EXOC6B: variants seen among roughly 807,000 people sequenced by gnomAD.
The protein encoded by EXOC6B is exocyst complex component 6B.
EXOC6B carries 54 observed loss-of-function variants against 113.5 expected under a neutral mutation model. That is an observed-to-expected ratio of 0.48 (90% CI 0.38 to 0.60). The LOEUF is 0.60. Among genes scored for constraint, EXOC6B ranks in the 20% least tolerant of loss-of-function variants. The probability of loss-of-function intolerance (pLI) is 0.00; values close to 1 mark genes in which losing one functional copy is unlikely to be tolerated. For missense variants in EXOC6B, 797 were observed against 977.5 expected, an observed-to-expected ratio of 0.82 and a Z score of 2.46; for synonymous variants, 357 against 339.0, an observed-to-expected ratio of 1.05 and a Z score of -0.58.
chr2:72,254,521 G>C (rs1683232388), intron 20 of EXOC6B, among the ~76,000 whole-genome samples: 2 of 152,190 alleles, frequency 1.3e-5, no homozygotes. Context: ...CAAGTTTATA[G>C]TAATTTTGTT....
At chr2:72,714,875 G>C (rs1679508081) in intron 6 of EXOC6B, among the ~76,000 whole-genome samples, 1 of 152,168 alleles carries the variant, frequency 6.6e-6, no homozygotes, top group Non-Finnish European at 1.5e-5. Context: ...AGTGGGTATG[G>C]TGTCTGCACA....
intron 8 of EXOC6B, among the ~76,000 whole-genome samples, chr2:72,559,004 A>G (rs1019547802): frequency 2.0e-5 from 3 of 152,144 alleles, no homozygotes; most frequent in Non-Finnish European, 4.4e-5. Context: ...CAAAATGGAG[A>G]AAGGGATCAT....
intron 1 of EXOC6B, among the ~76,000 whole-genome samples, chr2:72,768,519 G>T (rs1350169882): frequency 6.6e-6 from 1 of 151,240 alleles, no homozygotes; most frequent in African/African-American, 2.4e-5. Flanking sequence ...TGGTCAGGCT[G>T]GTCTCAAACT....
intron 20 of EXOC6B, among the ~76,000 whole-genome samples, chr2:72,295,036 T>C (rs1443049734): frequency 6.6e-6 from 1 of 151,900 alleles, no homozygotes; most frequent in African/African-American, 2.4e-5. Context: ...ATCGAGACCG[T>C]CCTGGCCAAC....
chr2:72,407,543 T>C (rs1172890794), intron 18 of EXOC6B, among the ~76,000 whole-genome samples: 9 of 152,194 alleles, frequency 5.9e-5, no homozygotes. Context: ...ATCCCTGGGA[T>C]GCAAGGCTGG....
intron 8 of EXOC6B, among the ~76,000 whole-genome samples, chr2:72,532,092 A>C (rs1008170456): frequency 6.6e-6 from 1 of 152,236 alleles, no homozygotes; most frequent in Non-Finnish European, 1.5e-5. Context: ...AAAATGAAAT[A>C]TCACCCCAGG....
intron 1 of EXOC6B, among the ~76,000 whole-genome samples, chr2:72,804,362 C>T (rs1685461419): frequency 6.6e-6 from 1 of 152,112 alleles, no homozygotes; most frequent in Admixed American, 6.5e-5. Flanking sequence ...GCAGCTCTTC[C>T]TAGAGCGCAT....
At chr2:72,423,722 C>T (rs1428354364) in intron 18 of EXOC6B, among the ~76,000 whole-genome samples, 9 of 152,196 alleles carry the variant, frequency 5.9e-5, no homozygotes, top group Admixed American at 4.6e-4. Flanking sequence ...TGCATGCACC[C>T]GTGTGTGTGC....
chr2:72,371,560 A>T (rs989404940), intron 19 of EXOC6B, among the ~76,000 whole-genome samples: 1 of 152,234 alleles, frequency 6.6e-6, no homozygotes, highest in Non-Finnish European at 1.5e-5. Flanking sequence ...GTGATACAAC[A>T]TATGAAGAGA....
chr2:72,609,758 A>G (rs1670962214), intron 6 of EXOC6B, among the ~76,000 whole-genome samples: 1 of 152,094 alleles, frequency 6.6e-6, no homozygotes, highest in African/African-American at 2.4e-5. Context: ...GTCCAAGAAG[A>G]TCAATAAACA....
chr2:72,547,112 AG>A lies in EXOC6B; in HGVS notation c.915+12340del, dbSNP rs1702953318. Reference sequence around the variant, plus strand: ...ATTCAGAGCTTTTGTAAAATCTCAGAGGCCCCTTGATTAAGAAAATTTAAGA... The same window carrying A: ...ATTCAGAGCTTTTGTAAAATCTCAGAGCCCCTTGATTAAGAAAATTTAAGA... On this transcript the variant is annotated intron_variant, in intron 8 of 21. Transcript: ENST00000272427. Among the ~76,000 whole-genome samples, 3 of 152,248 alleles carry A rather than the reference AG, an allele frequency of 2.0e-5. No homozygotes were observed. In the South Asian group the frequency reaches 6.2e-4, roughly 32 times the overall value.
chr2:72,342,588 G>A (rs1275606768), intron 19 of EXOC6B, among the ~76,000 whole-genome samples: 1 of 152,076 alleles, frequency 6.6e-6, no homozygotes, highest in Non-Finnish European at 1.5e-5. Flanking sequence ...TACTGTTATT[G>A]GGAATGTAAA....
intron 6 of EXOC6B, among the ~76,000 whole-genome samples, chr2:72,633,568 C>T (rs1672626252): frequency 6.6e-6 from 1 of 152,146 alleles, no homozygotes; most frequent in Admixed American, 6.5e-5. Context: ...TACTTTAGCT[C>T]CTAGAGCTTC....
intron 1 of EXOC6B, among the ~76,000 whole-genome samples, chr2:72,745,021 A>G (rs1681604557): frequency 6.6e-6 from 1 of 152,182 alleles, no homozygotes; most frequent in Middle Eastern, 3.2e-3. Flanking sequence ...CATCTAGAAA[A>G]TAGGAAGCAA....
chr2:72,460,336 C>T (rs1216423645), intron 18 of EXOC6B, among the ~76,000 whole-genome samples: 4 of 152,088 alleles, frequency 2.6e-5, no homozygotes, highest in African/African-American at 9.7e-5. Flanking sequence ...GCAATGGCAA[C>T]AAAAGACAAA....
chr2:72,609,217 G>T (rs1416872914), intron 6 of EXOC6B, among the ~76,000 whole-genome samples: 1 of 152,116 alleles, frequency 6.6e-6, no homozygotes, highest in African/African-American at 2.4e-5. Context: ...GCAGAAGAAT[G>T]TGACTCATAA....
chr2:72,794,088 T>G (rs1684820339), intron 1 of EXOC6B, among the ~76,000 whole-genome samples: 1 of 152,210 alleles, frequency 6.6e-6, no homozygotes. Flanking sequence ...CTGCCATGTT[T>G]TTCAGTACAC....
At chr2:72,375,233 C>T (rs1691285342) in intron 19 of EXOC6B, among the ~76,000 whole-genome samples, 1 of 151,940 alleles carries the variant, frequency 6.6e-6, no homozygotes, top group Admixed American at 6.6e-5. Context: ...GATTTCAACT[C>T]CTCTCAGTAA....
chr2:72,584,001 C>T lies in EXOC6B; in HGVS notation c.670-8333G>A, dbSNP rs549360075. Among the ~76,000 whole-genome samples the T allele has an allele frequency of 4.6e-5, 7 of 152,242 alleles. 1 individual carries two copies. The East Asian group carries it at 1.4e-3, about 29-fold the overall frequency. On this transcript the variant is annotated intron_variant, in intron 6 of 21. Coordinates refer to ENST00000272427, the MANE Select transcript of EXOC6B (RefSeq NM_015189.3). ...CCTCCCAAAGTGCTGGGCTTGCAGG[C>T]ATGAACCATCCGCACCCGGCCCCTT...
Sources: gnomAD v4.1 joint callset for allele counts (sites outside exome capture counted in the v4.1 genomes callset) on GRCh38, gnomAD v4.1.1 for gene constraint, MANE v1.5 for transcripts, NCBI Gene and HGNC (gene_info 2026-07-23, HGNC 2026-07-21) for gene names.